Variants in SSPN observed in about 807,000 individuals in gnomAD.
SSPN encodes K-ras oncogene-associated protein.
A neutral mutation model predicts 19.1 loss-of-function variants in SSPN; 15 were observed. The observed-to-expected ratio is 0.78, with a 90% confidence interval of 0.52 to 1.21. The LOEUF (loss-of-function observed/expected upper bound fraction) is 1.21. Ranked by LOEUF, SSPN falls within the 50% of genes most tolerant of loss-of-function variation. SSPN has a pLI of 0.00. For synonymous variants in SSPN, 147 were observed against 140.3 expected (o/e 1.05, Z -0.34); for missense variants, 291 against 314.0 (o/e 0.93, Z 0.55).
At chr12:26,179,803 G>A (rs529495651) in intron 1 of SSPN, among the ~76,000 whole-genome samples, 2 of 152,072 alleles carry the variant, frequency 1.3e-5, no homozygotes, top group African/African-American at 4.8e-5. Flanking sequence ...ACACAACTGA[G>A]TAGTTTCTCT....
At chr12:26,229,258 T>C (rs1443176263) in intron 2 of SSPN, among the ~76,000 whole-genome samples, 1 of 152,114 alleles carries the variant, frequency 6.6e-6, no homozygotes, top group African/African-American at 2.4e-5. Context: ...TTTAACTAAT[T>C]CTACGCTCTT....
chr12:26,131,108 CAGTG>C (rs1283063593), intron 1 of SSPN, among the ~76,000 whole-genome samples: 8 of 152,132 alleles, frequency 5.3e-5, no homozygotes, highest in Non-Finnish European at 1.0e-4. Context: ...CTTTTTTCAT[CAGTG>C]AGTCTCTTCC....
In SSPN at chr12:26,231,220, CA is replaced by C; in HGVS notation, c.*148del. The C allele has an allele frequency of 5.9e-6, 7 of 1,195,972 alleles. No individual in the cohort carries two copies. Among genetic ancestry groups the C allele is most frequent in the Non-Finnish European group, 7.8e-6 (7 of 897,916 alleles). The allele number at this position is 1,195,972 out of a possible 1,614,324, so 74.1% of individuals were successfully genotyped here. A position where few individuals can be genotyped will look rare whatever the true frequency, so the allele number is the denominator to read the frequency against. On this transcript the variant is annotated 3_prime_UTR_variant, in exon 3 of 3. Coordinates refer to ENST00000242729, the MANE Select transcript of SSPN (RefSeq NM_005086.5). ...TGAATATTTTTATATTTTTATGAAA[CA>C]AAAGAGCATTTCTTCAGGTTTCTAT...
chr12:26,234,386 A>G lies in SSPN; in HGVS notation c.*3310A>G, dbSNP rs567756505. ...ACATAGCCATAAATTTCTGTAAATC[A>G]TGTTGGCTATCAGTTCTTGCTATTC... On this transcript the variant is annotated 3_prime_UTR_variant, in exon 3 of 3. Coordinates refer to ENST00000242729, the MANE Select transcript of SSPN (RefSeq NM_005086.5). 2 of 152,330 alleles carry G rather than the reference A, an allele frequency of 1.3e-5. No homozygotes were observed. Among genetic ancestry groups the G allele is most frequent in the South Asian group, 2.1e-4 (1 of 4,828 alleles). The allele number at this position is 152,330 out of a possible 1,614,324, so 9.4% of individuals were successfully genotyped here.
intron 1 of SSPN, among the ~76,000 whole-genome samples, chr12:26,177,006 A>G (rs1944688156): frequency 6.6e-6 from 1 of 152,216 alleles, no homozygotes; most frequent in Non-Finnish European, 1.5e-5. Flanking sequence ...CAAATTTTTT[A>G]GTGGGACTTT....
intron 1 of SSPN, among the ~76,000 whole-genome samples, chr12:26,132,399 T>G (rs1401009950): frequency 2.6e-5 from 4 of 152,208 alleles, no homozygotes; most frequent in Admixed American, 2.6e-4. Flanking sequence ...ACTAAGAAAG[T>G]GGAATAATTA....
intron 1 of SSPN, among the ~76,000 whole-genome samples, chr12:26,138,699 T>C (rs1328282258): frequency 6.6e-6 from 1 of 152,138 alleles, no homozygotes; most frequent in Non-Finnish European, 1.5e-5. Flanking sequence ...TACTGATCAA[T>C]CCATAAATAA....
chr12:26,222,734 G>C (rs1945135277), intron 1 of SSPN, among the ~76,000 whole-genome samples: 1 of 152,176 alleles, frequency 6.6e-6, no homozygotes, highest in South Asian at 2.1e-4. Context: ...GTTCTAAAAA[G>C]TCTAGTTCAT....
intron 1 of SSPN, chr12:26,124,712 C>G (rs1944347705): frequency 6.2e-7 from 1 of 1,614,026 alleles, no homozygotes; most frequent in Non-Finnish European, 8.5e-7. Flanking sequence ...GGTGCGTGCA[C>G]CTTACCCTAT....
At chr12:26,180,125 G>A (rs1944709957) in intron 1 of SSPN, 1 of 152,000 alleles carries the variant, frequency 6.6e-6, no homozygotes, top group Admixed American at 6.6e-5. Context: ...CAGGACTAAG[G>A]ATGGAATTGA....
At chr12:26,218,826 A>C (rs12314202) in intron 1 of SSPN, among the ~76,000 whole-genome samples, 13,649 of 152,228 alleles carry the variant, frequency 0.09, 1,255 homozygotes, top group African/African-American at 0.23. Flanking sequence ...CATATTTATC[A>C]TTTGTTGAAA....
Position 26,201,023 on chromosome 12 carries a change from AT to A in SSPN, c.279+5073del, listed in dbSNP as rs1203199059. Among the ~76,000 whole-genome samples, 28 of 33,452 alleles carry A rather than the reference AT, an allele frequency of 8.4e-4. 1 individual carries two copies. Among genetic ancestry groups the A allele is most frequent in the Admixed American group, 4.8e-3 (14 of 2,906 alleles). 21.9% of individuals were successfully genotyped at this position (33,452 alleles called of 152,430 possible). On this transcript the variant is annotated intron_variant, in intron 1 of 2. Coordinates refer to ENST00000242729, the MANE Select transcript of SSPN (RefSeq NM_005086.5). ...GAAGTTAATTTGTGTATATATATAT[AT>A]ATATATATATATATATATATATTAT...
chr12:26,133,116 A>C (rs1944405522), intron 1 of SSPN, among the ~76,000 whole-genome samples: 1 of 152,208 alleles, frequency 6.6e-6, no homozygotes, highest in South Asian at 2.1e-4. Context: ...CTTCCTCATC[A>C]TCATATACTT....
intron 1 of SSPN, among the ~76,000 whole-genome samples, chr12:26,167,658 C>T (rs1944629429): frequency 2.0e-5 from 3 of 151,790 alleles, no homozygotes; most frequent in African/African-American, 7.3e-5. Context: ...TAGACCGCAA[C>T]TCTCTCTCTC....
chr12:26,224,355 G>GAC lies in SSPN; in HGVS notation c.344_345dup (p.Cys116HisfsTer7). On this transcript the variant is annotated frameshift_variant, in exon 2 of 3. Coordinates refer to ENST00000242729, the MANE Select transcript of SSPN (RefSeq NM_005086.5). LOFTEE classifies it high-confidence loss of function. ...GTGTCTCATATCAGGTTGACGAACG[G>GAC]ACATGTATTCAATTTTCTATGAAAG... 1 of 1,613,796 alleles carries GAC rather than the reference G, an allele frequency of 6.2e-7. No individual in the cohort carries two copies. The highest frequency in any genetic ancestry group is 8.5e-7 in the Non-Finnish European group (1 of 1,179,752).
chr12:26,184,901 C>A (rs7976236), intron 1 of SSPN, among the ~76,000 whole-genome samples: 38,803 of 152,036 alleles, frequency 0.26, 5,087 homozygotes, highest in East Asian at 0.35. Context: ...CATGAGCAAC[C>A]ATTTTTACAT....
At chr12:26,189,605 G>T (rs1944775662) in intron 1 of SSPN, among the ~76,000 whole-genome samples, 1 of 152,026 alleles carries the variant, frequency 6.6e-6, no homozygotes, top group Non-Finnish European at 1.5e-5. Context: ...TAAAAAAAAA[G>T]GCAAACCATT....
chr12:26,202,964 A>G (rs942995916), intron 1 of SSPN, among the ~76,000 whole-genome samples: 1 of 152,320 alleles, frequency 6.6e-6, no homozygotes, highest in South Asian at 2.1e-4. Context: ...ACTTACAATC[A>G]TGGCAGAAGG....
chr12:26,227,442 T>C (rs1945189644), intron 2 of SSPN, among the ~76,000 whole-genome samples: 3 of 152,190 alleles, frequency 2.0e-5, no homozygotes, highest in Admixed American at 2.0e-4. Flanking sequence ...GGCATGGTTT[T>C]TCTTTATGTT....
Sources: allele counts gnomAD v4.1 joint callset (sites outside exome capture counted in the v4.1 genomes callset), GRCh38; gene constraint gnomAD v4.1.1; transcripts MANE v1.5; gene names NCBI Gene and HGNC (gene_info 2026-07-23, HGNC 2026-07-21).